The following ADCY5 variants were observed in gnomAD, a reference collection of about 807,000 sequenced individuals.
ADCY5 encodes adenylate cyclase 5.
ADCY5 carries 30 observed loss-of-function variants against 119.7 expected under a neutral mutation model. The ratio of observed to expected loss-of-function variants is 0.25; its 90% confidence interval spans 0.19 to 0.34. The LOEUF is 0.34. Among genes scored for constraint, ADCY5 ranks in the 10% least tolerant of loss-of-function variants. ADCY5 has a pLI of 1.00. For missense variants in ADCY5, 1,324 were observed against 1,775.2 expected, an observed-to-expected ratio of 0.75 and a Z score of 4.57; for synonymous variants, 753 against 762.2, an observed-to-expected ratio of 0.99 and a Z score of 0.20.
chr3:123,330,597 G>T (rs1941715198), intron 5 of ADCY5, among the ~76,000 whole-genome samples: 1 of 152,188 alleles, frequency 6.6e-6, no homozygotes, highest in Non-Finnish European at 1.5e-5. Flanking sequence ...CACGGCACAG[G>T]ATCCTCACAT....
At chr3:123,309,990 AG>A (rs1940450250) in intron 12 of ADCY5, among the ~76,000 whole-genome samples, 1 of 152,074 alleles carries the variant, frequency 6.6e-6, no homozygotes, top group South Asian at 2.1e-4. Context: ...CAGGGCCCAC[AG>A]GAGGCTCTGG....
At chr3:123,394,746 G>A (rs62262402) in intron 1 of ADCY5, among the ~76,000 whole-genome samples, 30,674 of 152,100 alleles carry the variant, frequency 0.2, 3,799 homozygotes, top group Middle Eastern at 0.35. Context: ...TCTAGGGTAC[G>A]AGCAAACCTC....
chr3:123,400,840 A>T (rs543635419), intron 1 of ADCY5, among the ~76,000 whole-genome samples: 2 of 152,232 alleles, frequency 1.3e-5, no homozygotes, highest in Admixed American at 6.5e-5. Context: ...GCTACTCAGG[A>T]GGCTGAGGCA....
At chr3:123,414,026 C>T (rs1041558775) in intron 1 of ADCY5, among the ~76,000 whole-genome samples, 24 of 152,168 alleles carry the variant, frequency 1.6e-4, no homozygotes, top group African/African-American at 4.3e-4. Context: ...TCAGATAAAA[C>T]GCAGAAGGGA....
At chr3:123,396,621 AGGGAGGGAGGGAGGGAAGGAGACAG>A (rs1461628381) in intron 1 of ADCY5, among the ~76,000 whole-genome samples, 1 of 127,748 alleles carries the variant, frequency 7.8e-6, no homozygotes, top group African/African-American at 3.3e-5. Context: ...GGGAGGAAGA[AGGGAGGGAGGGAGGGAAGGAGACAG>A]AAAGAGAGAG....
intron 3 of ADCY5, among the ~76,000 whole-genome samples, chr3:123,335,918 T>G (rs1456956156): frequency 6.6e-6 from 1 of 151,672 alleles, no homozygotes; most frequent in African/African-American, 2.4e-5. Context: ...GTGGGAGAAA[T>G]GGGGACAGGG....
rs1171375681 is a variant in ADCY5 at position 123,358,281 on chromosome 3, C to A, written c.1135-5700G>T. On this transcript the variant is annotated intron_variant, in intron 1 of 20. Coordinates refer to ENST00000462833, the MANE Select transcript of ADCY5 (RefSeq NM_183357.3). ...AAAGGAGACCCAACAATACAGCAGA[C>A]TGCAGCCCTGGAGTAGCCTCAGCAT... 3.3e-5 allele frequency among the ~76,000 whole-genome samples: 5 copies of A among 151,938 alleles called. No individual in the cohort carries two copies. In the South Asian group the frequency reaches 1.0e-3, roughly 32 times the overall value.
At chr3:123,343,034 C>A (rs998613721) in intron 3 of ADCY5, among the ~76,000 whole-genome samples, 2 of 152,238 alleles carry the variant, frequency 1.3e-5, no homozygotes, top group African/African-American at 4.8e-5. Context: ...ACGGATGCTG[C>A]TCCTCTGTGC....
rs1220054239 is a variant in ADCY5, at chr3:123,396,403, A to AAG, written c.1135-43824_1135-43823dup. 3.3e-3 allele frequency among the ~76,000 whole-genome samples: 380 copies of AAG among 115,742 alleles called. 3 individuals carry two copies. Among genetic ancestry groups the AAG allele is most frequent in the African/African-American group, 0.012 (374 of 29,998 alleles). 75.9% of individuals were successfully genotyped at this position (115,742 alleles called of 152,430 possible). A position where few individuals can be genotyped will look rare whatever the true frequency, so the allele number is the denominator to read the frequency against. ...GAAGGGAGGGAAAGAGAGAAAAAGA[A>AAG]AGAGAAAGAGAGAGAGAGGGAGGGA... On this transcript the variant is annotated intron_variant, in intron 1 of 20. Coordinates refer to ENST00000462833, the MANE Select transcript of ADCY5 (RefSeq NM_183357.3).
In ADCY5 at chr3:123,440,523, C is replaced by T. The variant is rs535346665; in HGVS notation, c.1134+6889G>A. ...CAGAGAACAGCCCTACCCCCACTTC[C>T]AAGTCCTTACCCTCCTCATACTCAC... is the stretch of plus-strand genomic sequence containing the variant. On this transcript the variant is annotated intron_variant, in intron 1 of 20. Coordinates refer to ENST00000462833, the MANE Select transcript of ADCY5 (RefSeq NM_183357.3). 2.5e-4 allele frequency among the ~76,000 whole-genome samples: 38 copies of T among 152,056 alleles called. No individual in the cohort carries two copies. In the South Asian group the frequency reaches 7.5e-3, roughly 30 times the overall value.
At chr3:123,363,143 G>C (rs1374538295) in intron 1 of ADCY5, among the ~76,000 whole-genome samples, 2 of 50,090 alleles carry the variant, frequency 4.0e-5, no homozygotes, top group African/African-American at 6.1e-5. Context: ...ATTCCTTCTT[G>C]AAAAAAAAAA....
chr3:123,320,794 GAA>G (rs1427995628), intron 8 of ADCY5, 23 bp from the exon 9 acceptor site: 1 of 1,557,620 alleles, frequency 6.4e-7, no homozygotes, highest in Non-Finnish European at 8.8e-7. Flanking sequence ...GATAGAAAGA[GAA>G]AGAGAAGAGA....
intron 1 of ADCY5, among the ~76,000 whole-genome samples, chr3:123,381,323 A>G (rs4678014): frequency 0.47 from 71,916 of 151,882 alleles, 17,786 homozygotes; most frequent in East Asian, 0.69. Flanking sequence ...ATTCTCCTGG[A>G]AGTCTTTACC....
intron 1 of ADCY5, among the ~76,000 whole-genome samples, chr3:123,446,192 T>C (rs985590325): frequency 1.3e-5 from 2 of 152,050 alleles, no homozygotes; most frequent in Non-Finnish European, 2.9e-5. Flanking sequence ...CTATTCTCTA[T>C]GGAAGAATAC....
rs904611816 is a variant in ADCY5 at position 123,447,322 on chromosome 3, G to A, written c.1134+90C>T. 6.7e-6 allele frequency: 9 copies of A among 1,339,388 alleles called. No individual in the cohort carries two copies. In the Admixed American group the frequency reaches 1.5e-4, roughly 22 times the overall value. The allele number at this position is 1,339,388 out of a possible 1,614,324, so 83.0% of individuals were successfully genotyped here. On this transcript the variant is annotated intron_variant, in intron 1 of 20. Coordinates refer to ENST00000462833, the MANE Select transcript of ADCY5 (RefSeq NM_183357.3). ...GTCTCTCTGGCTCTTTTCACCATTC[G>A]AAAGGGTGAGGGTGGGATCCCTTTC...
intron 1 of ADCY5, among the ~76,000 whole-genome samples, chr3:123,443,648 C>T (rs999999804): frequency 6.6e-6 from 1 of 152,054 alleles, no homozygotes; most frequent in South Asian, 2.1e-4. Flanking sequence ...GTTGTAGGTT[C>T]AAATAGGCAC....
intron 19 of ADCY5, among the ~76,000 whole-genome samples, chr3:123,287,605 T>C (rs1030366244): frequency 6.7e-6 from 1 of 149,588 alleles, no homozygotes; most frequent in African/African-American, 2.6e-5. Context: ...AGCTCCAAAC[T>C]AGGCCCCTGG....
At chr3:123,308,581 G>A (rs1940346051) in intron 12 of ADCY5, among the ~76,000 whole-genome samples, 1 of 151,986 alleles carries the variant, frequency 6.6e-6, no homozygotes, top group East Asian at 2.0e-4. Flanking sequence ...TGTAATCCCA[G>A]CACTTTGGGA....
intron 1 of ADCY5, among the ~76,000 whole-genome samples, chr3:123,408,125 G>A (rs17295346): frequency 0.017 from 2,655 of 151,996 alleles, 67 homozygotes; most frequent in African/African-American, 0.06. Context: ...CTGGACCTAC[G>A]GTGAAAAATC....
Sources: allele counts gnomAD v4.1 joint callset (sites outside exome capture counted in the v4.1 genomes callset), GRCh38; gene constraint gnomAD v4.1.1; transcripts MANE v1.5; gene names NCBI Gene and HGNC (gene_info 2026-07-23, HGNC 2026-07-21).